Variants in DNAH7 observed in about 807,000 individuals in gnomAD.
DNAH7 encodes axonemal beta dynein heavy chain 7.
Under a neutral mutation model 444.6 loss-of-function variants are expected in DNAH7, and 397 were observed. The observed-to-expected ratio is 0.89, with a 90% CI of 0.82 to 0.97. DNAH7 has a LOEUF of 0.97. Among genes scored for constraint, DNAH7 ranks in the 50% least tolerant of loss-of-function variants. DNAH7 has a pLI of 0.00. For missense variants in DNAH7, 4,902 were observed against 4,800.8 expected (o/e 1.02, Z -0.62); for synonymous variants, 1,636 against 1,624.4 (o/e 1.01, Z -0.17).
intron 24 of DNAH7, among the ~76,000 whole-genome samples, chr2:195,918,977 G>A (rs867768043): frequency 6.6e-6 from 1 of 152,076 alleles, no homozygotes; most frequent in African/African-American, 2.4e-5. Flanking sequence ...TGGGCCAGGC[G>A]CAGTGGTTCA....
In DNAH7 at chr2:195,964,887, A is replaced by G. The variant is rs1574901738; in HGVS notation, c.2206-3942T>C. 2.6e-5 allele frequency among the ~76,000 whole-genome samples: 4 copies of G among 151,904 alleles called. No individual in the cohort carries two copies. In the East Asian group the frequency reaches 7.8e-4, roughly 29 times the overall value. ...GTGAGACTCCGTCTCAAAAAAAAAA[A>G]AAAAGTTCATATCATCTACAAACAA... On this transcript the variant is annotated intron_variant, in intron 17 of 64. Coordinates refer to ENST00000312428, the MANE Select transcript of DNAH7 (RefSeq NM_018897.3).
At chr2:195,979,840 T>C (rs1202806212) in intron 15 of DNAH7, among the ~76,000 whole-genome samples, 2 of 151,642 alleles carry the variant, frequency 1.3e-5, no homozygotes, top group African/African-American at 4.8e-5. Context: ...GACAACTATA[T>C]CCCAATAAAT....
At chr2:196,019,417 C>T (rs1377565558) in intron 8 of DNAH7, 122 bp from the exon 9 acceptor site, 7 of 674,884 alleles carry the variant, frequency 1.0e-5, no homozygotes, top group South Asian at 6.4e-5. Flanking sequence ...ATCATAATAA[C>T]AAAACAAGCA....
intron 34 of DNAH7, 35 bp from the exon 35 acceptor site, chr2:195,884,844 A>G: frequency 6.5e-7 from 1 of 1,545,260 alleles, no homozygotes; most frequent in Non-Finnish European, 8.9e-7. Context: ...AAGAACAATT[A>G]AAGAATAATT....
chr2:195,907,122 C>T (rs895914585), intron 25 of DNAH7, 113 bp from the exon 26 acceptor site: 6 of 740,436 alleles, frequency 8.1e-6, no homozygotes, highest in Non-Finnish European at 1.3e-5. Flanking sequence ...AAAGAAATTG[C>T]TTATTCGCCT....
At chr2:196,011,044 C>G (rs975367189) in intron 10 of DNAH7, among the ~76,000 whole-genome samples, 2 of 151,958 alleles carry the variant, frequency 1.3e-5, no homozygotes, top group East Asian at 3.9e-4. Flanking sequence ...TTGGTTAATA[C>G]GCACAAAAAT....
chr2:195,997,851 C>T lies in DNAH7; in HGVS notation c.1353+2853G>A, dbSNP rs144433333. On this transcript the variant is annotated intron_variant, in intron 12 of 64. Transcript: ENST00000312428. ...TAGGGCATCATCTAGGCATATTTTA[C>T]CAGTACTGATTTCTGAGTACTGACT... Among the ~76,000 whole-genome samples, 286 of 152,208 alleles carry T rather than the reference C, an allele frequency of 1.9e-3. 1 individual carries two copies. Among genetic ancestry groups the T allele is most frequent in the African/African-American group, 6.5e-3 (269 of 41,528 alleles).
chr2:195,985,252 G>A lies in DNAH7; in HGVS notation c.1755-542C>T, dbSNP rs192655013. Among the ~76,000 whole-genome samples the A allele has an allele frequency of 4.6e-5, 7 of 152,280 alleles. No homozygotes were observed. In the South Asian group the frequency reaches 6.2e-4, roughly 14 times the overall value. On this transcript the variant is annotated intron_variant, in intron 14 of 64. Transcript: ENST00000312428. ...AGAGCTAAGGGAGTTCAAATGAAAC[G>A]AATAGAACAATTCTTCAGTAAGATT...
chr2:196,038,379 TAGA>T lies in DNAH7; in HGVS notation c.398+8970_398+8972del, dbSNP rs146119555. 6.4e-3 allele frequency among the ~76,000 whole-genome samples: 971 copies of T among 152,206 alleles called. 5 individuals carry two copies. The highest frequency in any genetic ancestry group is 0.011 in the Non-Finnish European group (718 of 67,974). On this transcript the variant is annotated intron_variant, in intron 5 of 64. Coordinates refer to ENST00000312428, the MANE Select transcript of DNAH7 (RefSeq NM_018897.3). ...GAAAAAGGAGTCAAGCAATACTTTA[TAGA>T]AGAACACCAAATCACAAAGGTAAGC...
At chr2:195,869,482 T>C (rs1019795605) in intron 40 of DNAH7, among the ~76,000 whole-genome samples, 1 of 152,066 alleles carries the variant, frequency 6.6e-6, no homozygotes, top group Non-Finnish European at 1.5e-5. Flanking sequence ...GAATGAATTC[T>C]ACAACATGTT....
chr2:195,900,598 A>G (rs1469084655), intron 27 of DNAH7, 104 bp from the exon 28 acceptor site: 1 of 1,081,456 alleles, frequency 9.2e-7, no homozygotes, highest in East Asian at 2.4e-5. Context: ...AGGCTAAAAA[A>G]GTTTATCTCA....
chr2:195,860,818 C>T (rs1291545125), intron 42 of DNAH7, among the ~76,000 whole-genome samples: 2 of 151,982 alleles, frequency 1.3e-5, no homozygotes, highest in Admixed American at 1.3e-4. Context: ...CTGTTCAATT[C>T]GTGGATCAGG....
At chr2:195,875,645 T>A in intron 38 of DNAH7, 30 bp downstream of exon 38, 2 of 1,531,808 alleles carry the variant, frequency 1.3e-6, no homozygotes, top group Non-Finnish European at 1.8e-6. Context: ...GATTTTTCCA[T>A]CTTAGTAATC....
chr2:195,803,815 A>C (rs573116532), intron 54 of DNAH7, among the ~76,000 whole-genome samples: 2 of 152,348 alleles, frequency 1.3e-5, no homozygotes, highest in South Asian at 4.1e-4. Flanking sequence ...CTGTGGCCAG[A>C]AGCTCTTCAT....
chr2:195,885,938 T>C (rs1425593783), intron 34 of DNAH7, among the ~76,000 whole-genome samples: 1 of 152,216 alleles, frequency 6.6e-6, no homozygotes, highest in South Asian at 2.1e-4. Context: ...CCGAACCTCA[T>C]GATGCATCAT....
intron 46 of DNAH7, 31 bp downstream of exon 46, chr2:195,853,312 G>T (rs1699498079): frequency 6.3e-7 from 1 of 1,584,680 alleles, no homozygotes; most frequent in Non-Finnish European, 8.6e-7. Flanking sequence ...ATGGGCAGAG[G>T]GTCAGGAAGA....
chr2:195,785,537 T>G (rs1695576551), intron 58 of DNAH7, among the ~76,000 whole-genome samples: 1 of 151,986 alleles, frequency 6.6e-6, no homozygotes, highest in African/African-American at 2.4e-5. Context: ...TTTTGTATGT[T>G]TGTTTAATCA....
Position 195,895,896 on chromosome 2 carries a change from CT to C in DNAH7, c.4648-673del, listed in dbSNP as rs530703455. Among the ~76,000 whole-genome samples the C allele has an allele frequency of 1.3e-3, 200 of 151,256 alleles. 1 individual carries two copies. The highest frequency in any genetic ancestry group is 4.4e-3 in the African/African-American group (181 of 41,286). On this transcript the variant is annotated intron_variant, in intron 29 of 64. Coordinates refer to ENST00000312428, the MANE Select transcript of DNAH7 (RefSeq NM_018897.3). ...TCACAGCAGGTATCAATAGTTTATT[CT>C]TTTTTTTTGCCGAGTAATATTCCAC...
Position 195,794,322 on chromosome 2 carries a change from C to CT in DNAH7, c.10716+15dup, listed in dbSNP as rs753286883. The CT allele has an allele frequency of 1.2e-5, 19 of 1,613,776 alleles. No homozygotes were observed. The Admixed American group carries it at 2.3e-4, about 20-fold the overall frequency. ...GCTTTACAGGGCCGAGGTAACAAGA[C>CT]TTAACCATTACTAACAGGCTTTTTG... is the stretch of plus-strand genomic sequence containing the variant. On this transcript the variant is annotated intron_variant, in intron 57 of 64. Coordinates refer to ENST00000312428, the MANE Select transcript of DNAH7 (RefSeq NM_018897.3).
Sources: gnomAD v4.1 joint callset for allele counts (sites outside exome capture counted in the v4.1 genomes callset) on GRCh38, gnomAD v4.1.1 for gene constraint, MANE v1.5 for transcripts, NCBI Gene and HGNC (gene_info 2026-07-23, HGNC 2026-07-21) for gene names.